Variants in NEURL1 observed in about 807,000 individuals in gnomAD.
NEURL1 encodes neuralized E3 ubiquitin protein ligase 1.
A neutral mutation model predicts 41.2 loss-of-function variants in NEURL1; 26 were observed. That is an observed-to-expected ratio of 0.63 (90% CI 0.46 to 0.87). The LOEUF (loss-of-function observed/expected upper bound fraction) is 0.87, where lower values mean the gene tolerates loss of function less well. NEURL1 is among the 40% of genes least tolerant of loss of function. The pLI is 0.00. For synonymous variants in NEURL1, 400 were observed against 402.3 expected, an observed-to-expected ratio of 0.99 and a Z score of 0.07; for missense variants, 761 against 871.1, an observed-to-expected ratio of 0.87 and a Z score of 1.59.
intron 1 of NEURL1, among the ~76,000 whole-genome samples, chr10:103,565,666 T>A (rs1271275094): frequency 6.6e-6 from 1 of 152,194 alleles, no homozygotes; most frequent in African/African-American, 2.4e-5. Context: ...TAAATTTAAT[T>A]TTTTGTTTGA....
At chr10:103,533,347 ATT>A (rs2034614188) in intron 1 of NEURL1, among the ~76,000 whole-genome samples, 2 of 149,976 alleles carry the variant, frequency 1.3e-5, no homozygotes, top group South Asian at 4.2e-4. Flanking sequence ...TGACTGGGTA[ATT>A]TCAAATGACC....
At chr10:103,510,949 G>A (rs574382955) in intron 1 of NEURL1, among the ~76,000 whole-genome samples, 6 of 152,254 alleles carry the variant, frequency 3.9e-5, no homozygotes, top group South Asian at 2.1e-4. Context: ...ACCCCCCGCC[G>A]CTGTTTCCCA....
intron 1 of NEURL1, among the ~76,000 whole-genome samples, chr10:103,509,934 G>C (rs1046395572): frequency 2.0e-5 from 3 of 152,188 alleles, no homozygotes; most frequent in South Asian, 2.1e-4. Context: ...TTGTGTTTCA[G>C]TCTTGTGGTC....
At chr10:103,562,697 T>TG (rs1431390296) in intron 1 of NEURL1, among the ~76,000 whole-genome samples, 1 of 152,180 alleles carries the variant, frequency 6.6e-6, no homozygotes, top group Non-Finnish European at 1.5e-5. Context: ...AGGGGGCTGA[T>TG]GGGGTCCTCA....
At chr10:103,542,873 A>T (rs762172383) in intron 1 of NEURL1, among the ~76,000 whole-genome samples, 1 of 152,070 alleles carries the variant, frequency 6.6e-6, no homozygotes, top group Non-Finnish European at 1.5e-5. Context: ...TTCTTATTCA[A>T]TTTGGAGGGA....
At chr10:103,540,204 A>G (rs1402045976) in intron 1 of NEURL1, among the ~76,000 whole-genome samples, 1 of 152,228 alleles carries the variant, frequency 6.6e-6, no homozygotes, top group Non-Finnish European at 1.5e-5. Flanking sequence ...GCTGTATTGC[A>G]TATATGCTTA....
At chr10:103,535,299 G>A (rs2034667914) in intron 1 of NEURL1, among the ~76,000 whole-genome samples, 2 of 152,128 alleles carry the variant, frequency 1.3e-5, no homozygotes, top group South Asian at 4.1e-4. Flanking sequence ...CAGCTCTGGG[G>A]CAACAGAGTA....
chr10:103,561,153 T>TC (rs1043151207), intron 1 of NEURL1, among the ~76,000 whole-genome samples: 2 of 151,952 alleles, frequency 1.3e-5, no homozygotes, highest in Non-Finnish European at 2.9e-5. Context: ...GCAGCTGGCT[T>TC]CCCCCCGAGG....
At chr10:103,518,964 T>C (rs1358619459) in intron 1 of NEURL1, among the ~76,000 whole-genome samples, 1 of 152,150 alleles carries the variant, frequency 6.6e-6, no homozygotes, top group Non-Finnish European at 1.5e-5. Context: ...TTTAAACTTT[T>C]ATAGGCGCAG....
At chr10:103,575,303 T>C (rs1437776420) in intron 3 of NEURL1, among the ~76,000 whole-genome samples, 2 of 152,138 alleles carry the variant, frequency 1.3e-5, no homozygotes, top group Non-Finnish European at 2.9e-5. Flanking sequence ...CCCGCTGCTG[T>C]CTCTCTTCTG....
At chr10:103,572,148 C>T (rs2035564101) in intron 3 of NEURL1, among the ~76,000 whole-genome samples, 1 of 152,198 alleles carries the variant, frequency 6.6e-6, no homozygotes, top group Admixed American at 6.5e-5. Context: ...TCATCACAAC[C>T]ACAGTTCATA....
Position 103,558,591 on chromosome 10 carries a change from C to T in NEURL1, c.86-12281C>T, listed in dbSNP as rs1347582339. ...GGAGTCGGGCTCCTCTGGGACCAGC[C>T]TGGCAGGAGACCCATGGGGAAATGA... On this transcript the variant is annotated intron_variant, in intron 1 of 5. Coordinates refer to ENST00000369780, the MANE Select transcript of NEURL1 (RefSeq NM_004210.5). This position sits in a 1 kb window ranked among gnomAD's most constrained non-coding sequence, Gnocchi z 4.2. 2.6e-5 allele frequency among the ~76,000 whole-genome samples: 4 copies of T among 151,278 alleles called. No homozygotes were observed. Among genetic ancestry groups the T allele is most frequent in the African/African-American group, 4.9e-5 (2 of 41,000 alleles).
chr10:103,533,117 C>T (rs1377910668), intron 1 of NEURL1, among the ~76,000 whole-genome samples: 8 of 151,250 alleles, frequency 5.3e-5, no homozygotes, highest in Non-Finnish European at 1.2e-4. Context: ...TTAGTAGAGA[C>T]GGGGTTTCAT....
chr10:103,504,841 G>A (rs1302448502), intron 1 of NEURL1, among the ~76,000 whole-genome samples: 5 of 152,156 alleles, frequency 3.3e-5, no homozygotes, highest in Non-Finnish European at 1.5e-5. Flanking sequence ...TATAAGGGGG[G>A]AACTTGACTT....
intron 1 of NEURL1, among the ~76,000 whole-genome samples, chr10:103,500,298 C>G (rs2033793902): frequency 6.6e-6 from 1 of 152,208 alleles, no homozygotes; most frequent in South Asian, 2.1e-4. Flanking sequence ...CATTAATACC[C>G]TCCCAACAAC....
At chr10:103,541,565 T>C (rs1334666492) in intron 1 of NEURL1, among the ~76,000 whole-genome samples, 1 of 152,100 alleles carries the variant, frequency 6.6e-6, no homozygotes, top group African/African-American at 2.4e-5. Flanking sequence ...CTAGCTGGGG[T>C]GAGCTGTGGG....
rs2034911883 is a variant in NEURL1 at position 103,545,756 on chromosome 10, G to T, written c.86-25116G>T. Among the ~76,000 whole-genome samples the T allele has an allele frequency of 6.6e-6, 1 of 152,170 alleles. No individual in the cohort carries two copies. The highest frequency in any genetic ancestry group is 2.1e-4 in the South Asian group (1 of 4,834). ...GACTGCCACACCCTTTTTCTTTCTG[G>T]AGCATTTTCAGGTTTATGCCTTGCA... On this transcript the variant is annotated intron_variant, in intron 1 of 5. Coordinates refer to ENST00000369780, the MANE Select transcript of NEURL1 (RefSeq NM_004210.5). The surrounding 1 kb of genome is among the most constrained non-coding windows in gnomAD (Gnocchi z 4.5).
rs953074524 is a variant in NEURL1 at position 103,566,095 on chromosome 10, T to TC, written c.86-4776dup. On this transcript the variant is annotated intron_variant, in intron 1 of 5. Coordinates refer to ENST00000369780, the MANE Select transcript of NEURL1 (RefSeq NM_004210.5). The surrounding 1 kb of genome is among the most constrained non-coding windows in gnomAD (Gnocchi z 4.2). ...GATATGGAACATTATTTCTTTCTTT[T>TC]CTTTTTTTTTTAGAGACAGAATCAT... is the stretch of plus-strand genomic sequence containing the variant. Among the ~76,000 whole-genome samples the TC allele has an allele frequency of 1.3e-5, 2 of 152,118 alleles. No individual in the cohort carries two copies. The highest frequency in any genetic ancestry group is 4.8e-5 in the African/African-American group (2 of 41,422).
At chr10:103,527,138 C>T (rs770065892) in intron 1 of NEURL1, among the ~76,000 whole-genome samples, 3 of 152,036 alleles carry the variant, frequency 2.0e-5, no homozygotes, top group Non-Finnish European at 4.4e-5. Flanking sequence ...CCCTTTAGAC[C>T]ATATAGGGTA....
Sources: allele counts gnomAD v4.1 joint callset (sites outside exome capture counted in the v4.1 genomes callset), GRCh38; gene constraint gnomAD v4.1.1; non-coding constraint Gnocchi (gnomAD v3.1); transcripts MANE v1.5; gene names NCBI Gene and HGNC (gene_info 2026-07-23, HGNC 2026-07-21).